Variants in POLN observed in about 807,000 individuals in gnomAD.
POLN encodes the protein DNA polymerase N.
Under a neutral mutation model 113.5 loss-of-function variants are expected in POLN, and 108 were observed. The observed-to-expected ratio is 0.95, with a 90% CI of 0.81 to 1.12. POLN has a LOEUF of 1.12. Ranked by LOEUF, POLN falls within the 50% of genes most tolerant of loss-of-function variation. The probability of loss-of-function intolerance (pLI) is 0.00; values close to 1 mark genes in which losing one functional copy is unlikely to be tolerated. For missense variants in POLN, 1,097 were observed against 1,077.1 expected (o/e 1.02, Z -0.26); for synonymous variants, 386 against 391.5 (o/e 0.99, Z 0.17).
intron 13 of POLN, among the ~76,000 whole-genome samples, chr4:2,159,686 C>T (rs755302523): frequency 3.3e-5 from 5 of 152,322 alleles, no homozygotes; most frequent in East Asian, 1.9e-4. Flanking sequence ...CAGCGAGCGA[C>T]GAAACATTCC....
chr4:2,190,834 C>T (rs1275644412), intron 7 of POLN, among the ~76,000 whole-genome samples: 1 of 152,102 alleles, frequency 6.6e-6, no homozygotes, highest in Non-Finnish European at 1.5e-5. Context: ...CATCTCACCC[C>T]AATTTAAAAC....
chr4:2,094,598 G>T (rs1194698700), intron 20 of POLN, among the ~76,000 whole-genome samples: 5 of 152,186 alleles, frequency 3.3e-5, no homozygotes, highest in Non-Finnish European at 5.9e-5. Context: ...GTTGAGGAAG[G>T]TTGCACAGGG....
chr4:2,083,084 C>A (rs2108690765), intron 21 of POLN: 1 of 152,334 alleles, frequency 6.6e-6, no homozygotes, highest in East Asian at 1.9e-4. Flanking sequence ...ACTCTGGAAT[C>A]ATCCGGATTA....
chr4:2,188,462 C>G (rs892566759), intron 7 of POLN, among the ~76,000 whole-genome samples: 7 of 151,790 alleles, frequency 4.6e-5, no homozygotes, highest in East Asian at 1.9e-4. Flanking sequence ...TTAGCCGGGC[C>G]TGGTGGCGGG....
At chr4:2,140,592 C>CA (rs1358181868) in intron 16 of POLN, among the ~76,000 whole-genome samples, 1 of 152,008 alleles carries the variant, frequency 6.6e-6, no homozygotes, top group Admixed American at 6.6e-5. Context: ...ACTAAAAATA[C>CA]AAAAATTAGC....
At chr4:2,107,027 T>C (rs1406098110) in intron 19 of POLN, among the ~76,000 whole-genome samples, 1 of 152,118 alleles carries the variant, frequency 6.6e-6, no homozygotes, top group African/African-American at 2.4e-5. Flanking sequence ...TTCCAACCTG[T>C]CTTTTCTGTG....
chr4:2,120,925 T>C (rs1185577760), intron 19 of POLN, among the ~76,000 whole-genome samples: 1 of 152,242 alleles, frequency 6.6e-6, no homozygotes, highest in African/African-American at 2.4e-5. Context: ...AACTTACTTA[T>C]TAGTTCTAAG....
Position 2,183,441 on chromosome 4 carries a change from T to C in POLN, c.1022-3976A>G, listed in dbSNP as rs140968644. On this transcript the variant is annotated intron_variant, in intron 7 of 25. Transcript: ENST00000511885. ...TGAATGAACAAAATATGAATATTAT[T>C]CAGCCATAAAAAGGAATAAAGTACT... 4.8e-4 allele frequency among the ~76,000 whole-genome samples: 73 copies of C among 152,342 alleles called. No individual in the cohort carries two copies. In the East Asian group the frequency reaches 0.013, roughly 27 times the overall value.
chr4:2,138,395 G>T (rs962766509), intron 16 of POLN, among the ~76,000 whole-genome samples: 12 of 152,282 alleles, frequency 7.9e-5, no homozygotes, highest in Non-Finnish European at 1.3e-4. Context: ...TGACTCTCCC[G>T]GCTGGAGGGA....
In POLN at chr4:2,073,031, TAG is replaced by T; in HGVS notation, c.2456-4_2456-3del. 2 of 1,613,254 alleles carry T rather than the reference TAG, an allele frequency of 1.2e-6. No homozygotes were observed. The highest frequency in any genetic ancestry group is 1.7e-6 in the Non-Finnish European group (2 of 1,179,824). On this transcript the variant is annotated splice_polypyrimidine_tract_variant and splice_region_variant and intron_variant, in intron 24 of 25. Transcript: ENST00000511885. ...ACTCCATGGTCCTCCTGACGAGAGC[TAG>T]AGTGCGGAAGAGAGAGGAGGCCCTG...
chr4:2,173,981 TC>T lies in POLN; in HGVS notation c.1347del (p.Met450TrpfsTer29), dbSNP rs1732931900. The T allele has an allele frequency of 6.2e-7, 1 of 1,614,094 alleles. No homozygotes were observed. Among genetic ancestry groups the T allele is most frequent in the African/African-American group, 1.3e-5 (1 of 74,942 alleles). On this transcript the variant is annotated frameshift_variant, in exon 11 of 26. Transcript: ENST00000511885. LOFTEE classifies it high-confidence loss of function. ...CCAAGAAGTGCTGACGTCTTCTCCA[TC>T]TCCTCTTTGTTCACCTGAATGGCAT... ...ESHAIQVNKE[E>X]MEKTSALLGA...
At chr4:2,225,217 A>C (rs74880683) in intron 3 of POLN, among the ~76,000 whole-genome samples, 2 of 151,210 alleles carry the variant, frequency 1.3e-5, no homozygotes, top group African/African-American at 4.9e-5. Context: ...TTCGACAAGC[A>C]AAAAAAACCT....
chr4:2,100,690 G>A (rs183924127), intron 19 of POLN, among the ~76,000 whole-genome samples: 18 of 152,256 alleles, frequency 1.2e-4, no homozygotes, highest in Non-Finnish European at 1.9e-4. Flanking sequence ...CGAGTAATGA[G>A]GAAGAACAGG....
chr4:2,166,295 G>A (rs1732726763), intron 13 of POLN, among the ~76,000 whole-genome samples: 2 of 152,130 alleles, frequency 1.3e-5, no homozygotes, highest in African/African-American at 4.8e-5. Flanking sequence ...CCCATTGCAA[G>A]GCCTTGTTCT....
At chr4:2,226,641 T>C (rs1734401906) in intron 3 of POLN, among the ~76,000 whole-genome samples, 1 of 152,258 alleles carries the variant, frequency 6.6e-6, no homozygotes, top group South Asian at 2.1e-4. Context: ...ACTGAATGTG[T>C]ATCTTGAGTC....
intron 16 of POLN, among the ~76,000 whole-genome samples, chr4:2,154,726 G>A (rs1239528800): frequency 3.9e-5 from 6 of 152,122 alleles, no homozygotes; most frequent in Admixed American, 1.3e-4. Context: ...AAGTTTGTAT[G>A]GTATTGCTAT....
In POLN at chr4:2,140,213, G is replaced by A. The variant is rs549992980; in HGVS notation, c.1732-8923C>T. 1.2e-3 allele frequency among the ~76,000 whole-genome samples: 187 copies of A among 152,168 alleles called. 1 individual carries two copies. Among genetic ancestry groups the A allele is most frequent in the African/African-American group, 4.3e-3 (179 of 41,516 alleles). On this transcript the variant is annotated intron_variant, in intron 16 of 25. Coordinates refer to ENST00000511885, the MANE Select transcript of POLN (RefSeq NM_181808.4). Reference sequence around the variant, plus strand: ...CTGCCTCGGTCTCCTGAGTAGCTGGGATTACAGGCGTGCGCCACCACACCT... The same window carrying A: ...CTGCCTCGGTCTCCTGAGTAGCTGGAATTACAGGCGTGCGCCACCACACCT...
chr4:2,138,888 T>C (rs762923634), intron 16 of POLN, among the ~76,000 whole-genome samples: 2 of 150,352 alleles, frequency 1.3e-5, no homozygotes, highest in Non-Finnish European at 3.0e-5. Flanking sequence ...AGTGAGACTC[T>C]GTCTCAAAAA....
chr4:2,238,302 C>G (rs1272607355), intron 2 of POLN, among the ~76,000 whole-genome samples: 5 of 152,174 alleles, frequency 3.3e-5, no homozygotes, highest in African/African-American at 1.2e-4. Context: ...AAACTTCCTG[C>G]CCCAAATCTA....
Sources: gnomAD v4.1 joint callset for allele counts (sites outside exome capture counted in the v4.1 genomes callset) on GRCh38, gnomAD v4.1.1 for gene constraint, MANE v1.5 for transcripts, NCBI Gene and HGNC (gene_info 2026-07-23, HGNC 2026-07-21) for gene names.